The following QSOX1 variants were observed in gnomAD, a reference collection of about 807,000 sequenced individuals.
The protein encoded by QSOX1 is sulfhydryl oxidase 1.
A neutral mutation model predicts 76.1 loss-of-function variants in QSOX1; 40 were observed. That is an observed-to-expected ratio of 0.53 (90% CI 0.41 to 0.68). The LOEUF (loss-of-function observed/expected upper bound fraction) is 0.68. QSOX1 is among the 30% of genes least tolerant of loss of function. The pLI is 0.00. For synonymous variants in QSOX1, 392 were observed against 413.1 expected (o/e 0.95, Z 0.62); for missense variants, 931 against 974.3 (o/e 0.96, Z 0.59).
chr1:180,167,002 G>A, intron 2 of QSOX1, among the ~76,000 whole-genome samples: 1 of 152,352 alleles, frequency 6.6e-6, no homozygotes, highest in African/African-American at 2.4e-5. Context: ...GAATGTCAGT[G>A]CCTCAGGCAG....
chr1:180,162,702 C>T (rs1471923043), intron 1 of QSOX1, among the ~76,000 whole-genome samples: 2 of 152,156 alleles, frequency 1.3e-5, no homozygotes, highest in Admixed American at 6.5e-5. Flanking sequence ...CGCACCACTG[C>T]ACTCCAGCCT....
chr1:180,174,170 G>C (rs1393235203), intron 2 of QSOX1, among the ~76,000 whole-genome samples: 1 of 152,246 alleles, frequency 6.6e-6, no homozygotes, highest in East Asian at 1.9e-4. Flanking sequence ...CTCTCCCCTA[G>C]GCAGTTCAGT....
At position 180,197,781 on chromosome 1, in the gene QSOX1, T is replaced by G; in HGVS notation, c.*744T>G. The G allele has an allele frequency of 3.9e-6, 1 of 259,372 alleles. No homozygotes were observed. 16.1% of individuals were successfully genotyped at this position (259,372 alleles called of 1,614,324 possible). A position where few individuals can be genotyped will look rare whatever the true frequency, so the allele number is the denominator to read the frequency against. On this transcript the variant is annotated 3_prime_UTR_variant, in exon 12 of 12. Transcript: ENST00000367602. ...TGCAGGAGAAGATGGCTGCTTTCAC[T>G]TCCCCCCATTGAGCTCTGCTCCCTC...
At chr1:180,189,777 G>T in intron 9 of QSOX1, 103 bp downstream of exon 9, 2 of 1,367,490 alleles carry the variant, frequency 1.5e-6, no homozygotes, top group Non-Finnish European at 9.9e-7. Flanking sequence ...TTTGCACCAG[G>T]GAGTCAGTGA....
chr1:180,165,145 T>A (rs1662585479), intron 1 of QSOX1, among the ~76,000 whole-genome samples: 1 of 152,178 alleles, frequency 6.6e-6, no homozygotes, highest in South Asian at 2.1e-4. Context: ...CCAGACCATA[T>A]CAGGTGGGGT....
At position 180,190,676 on chromosome 1, in the gene QSOX1, C is replaced by T; in HGVS notation, c.1288+96C>T. The T allele has an allele frequency of 4.3e-6, 6 of 1,401,560 alleles. No individual in the cohort carries two copies. In the South Asian group the frequency reaches 8.3e-5, roughly 19 times the overall value. 86.8% of individuals were successfully genotyped at this position (1,401,560 alleles called of 1,614,324 possible). A position where few individuals can be genotyped will look rare whatever the true frequency, so the allele number is the denominator to read the frequency against. ...GGCAGGGAAGCTCCCTTGAATTGCCCCACTGGCTCCCAGCTGCCAGAAGAT... is the reference window on the plus strand; with the variant it reads ...GGCAGGGAAGCTCCCTTGAATTGCCTCACTGGCTCCCAGCTGCCAGAAGAT... On this transcript the variant is annotated intron_variant, in intron 10 of 11. Transcript: ENST00000367602.
Position 180,182,272 on chromosome 1 carries a change from C to T in QSOX1, c.705C>T (p.Pro235=), listed in dbSNP as rs1298995810. The T allele has an allele frequency of 9.9e-6, 16 of 1,614,258 alleles. No individual in the cohort carries two copies. The highest frequency in any genetic ancestry group is 6.7e-5 in the African/African-American group (5 of 75,070). ...GAAAGTTTGGTGTCACCGACTTCCC[C>T]TCTTGCTACCTGCTGTTCCGGAATG... ...VVRKFGVTDF[P]SCYLLFRNGS... is the part of the protein sequence containing the mutation. The change falls in exon 6 of 12, where the codon CCC becomes CCT. Residue 235 remains proline, a synonymous_variant. Transcript: ENST00000367602.
In QSOX1 at chr1:180,200,465, G is replaced by A. The variant is rs1663613467; in HGVS notation, c.*3428G>A. 1 of 152,140 alleles carries A rather than the reference G, an allele frequency of 6.6e-6. No individual in the cohort carries two copies. Among genetic ancestry groups the A allele is most frequent in the Non-Finnish European group, 1.5e-5 (1 of 68,046 alleles). The allele number at this position is 152,140 out of a possible 1,614,324, so 9.4% of individuals were successfully genotyped here. A position where few individuals can be genotyped will look rare whatever the true frequency, so the allele number is the denominator to read the frequency against. Reference sequence around the variant, plus strand: ...GTGCCACTGGCCAGAGTTGAACTGAGGTGTTGAGTGGAAAGTGCCTCCCCA... The same window carrying A: ...GTGCCACTGGCCAGAGTTGAACTGAAGTGTTGAGTGGAAAGTGCCTCCCCA... On this transcript the variant is annotated 3_prime_UTR_variant, in exon 12 of 12. Coordinates refer to ENST00000367602, the MANE Select transcript of QSOX1 (RefSeq NM_002826.5).
At chr1:180,178,661 G>A (rs2149236988) in intron 4 of QSOX1, 133 bp from the exon 5 acceptor site, 1 of 743,240 alleles carries the variant, frequency 1.3e-6, no homozygotes, top group South Asian at 1.6e-5. Flanking sequence ...TCCCTTGGAG[G>A]GCCCTGTGTG....
At chr1:180,182,529 A>C (rs956287436) in intron 6 of QSOX1, among the ~76,000 whole-genome samples, 2 of 152,102 alleles carry the variant, frequency 1.3e-5, no homozygotes, top group Non-Finnish European at 2.9e-5. Flanking sequence ...CGCAGCTCAG[A>C]GACCTCAAAG....
rs571586921 is a variant in QSOX1 at position 180,175,927 on chromosome 1, A to G, written c.413-4A>G. 3.8e-6 allele frequency: 6 copies of G among 1,586,604 alleles called. No homozygotes were observed. The highest frequency in any genetic ancestry group is 1.1e-5 in the South Asian group (1 of 86,984). ...ACTCCGCTCACGCCTGTTTTCATTTACAGTGGCTGGTGCTGACGTGCAGAC... is the reference window on the plus strand; with the variant it reads ...ACTCCGCTCACGCCTGTTTTCATTTGCAGTGGCTGGTGCTGACGTGCAGAC... On this transcript the variant is annotated splice_region_variant and splice_polypyrimidine_tract_variant and intron_variant, in intron 3 of 11. Transcript: ENST00000367602.
Position 180,200,508 on chromosome 1 carries a change from A to C in QSOX1, c.*3471A>C, listed in dbSNP as rs1316313521. 6.6e-6 allele frequency: 1 copy of C among 152,196 alleles called. No homozygotes were observed. Among genetic ancestry groups the C allele is most frequent in the Non-Finnish European group, 1.5e-5 (1 of 68,034 alleles). 9.4% of individuals were successfully genotyped at this position (152,196 alleles called of 1,614,324 possible). ...CCTCCCCACCCCCATCTGCCACAGT[A>C]GTATGGATTTCCTTCATGAGATGGG... On this transcript the variant is annotated 3_prime_UTR_variant, in exon 12 of 12. Transcript: ENST00000367602.
chr1:180,186,008 A>G (rs1663160570), intron 7 of QSOX1, 45 bp from the exon 8 acceptor site: 3 of 1,606,262 alleles, frequency 1.9e-6, no homozygotes, highest in Admixed American at 1.7e-5. Flanking sequence ...CCCCTGCACC[A>G]TGGTTAATAC....
chr1:180,202,697 A>C lies in QSOX1; in HGVS notation c.*5660A>C, dbSNP rs2149245826. 1 of 141,006 alleles carries C rather than the reference A, an allele frequency of 7.1e-6. No homozygotes were observed. Among genetic ancestry groups the C allele is most frequent in the Non-Finnish European group, 1.6e-5 (1 of 63,120 alleles). The allele number at this position is 141,006 out of a possible 1,614,324, so 8.7% of individuals were successfully genotyped here. A position where few individuals can be genotyped will look rare whatever the true frequency, so the allele number is the denominator to read the frequency against. On this transcript the variant is annotated 3_prime_UTR_variant, in exon 12 of 12. Coordinates refer to ENST00000367602, the MANE Select transcript of QSOX1 (RefSeq NM_002826.5). The stretch of plus-strand genomic sequence containing the variant: ...ATGCAAAAAAAAAAAAAAAAGGGGA[A>C]ATATAATTGAATACTTCACTGTTTT...
Position 180,197,696 on chromosome 1 carries a change from A to T in QSOX1, c.*659A>T. ...TAGGGTGAGTGGCTTGCTTGGTGGG[A>T]CCTGACGAGTTGGTGGCATGGGAAG... On this transcript the variant is annotated 3_prime_UTR_variant, in exon 12 of 12. Transcript: ENST00000367602. 3.0e-6 allele frequency: 1 copy of T among 337,844 alleles called. No individual in the cohort carries two copies. The highest frequency in any genetic ancestry group is 5.6e-6 in the Non-Finnish European group (1 of 180,112). 20.9% of individuals were successfully genotyped at this position (337,844 alleles called of 1,614,324 possible).
intron 10 of QSOX1, among the ~76,000 whole-genome samples, chr1:180,191,697 T>C (rs963696606): frequency 2.0e-5 from 3 of 152,152 alleles, no homozygotes; most frequent in Non-Finnish European, 4.4e-5. Flanking sequence ...GGGTGCTGTC[T>C]GGAGAGGGGT....
Position 180,163,379 on chromosome 1 carries a change from C to A in QSOX1, c.266-3112C>A, listed in dbSNP as rs573294866. On this transcript the variant is annotated intron_variant, in intron 1 of 11. Coordinates refer to ENST00000367602, the MANE Select transcript of QSOX1 (RefSeq NM_002826.5). Reference sequence around the variant, plus strand: ...CTTCCCTTGCATACAGAATTATGTCCCTTATTATTTTTAGTTTTAGTTGCT... The same window carrying A: ...CTTCCCTTGCATACAGAATTATGTCACTTATTATTTTTAGTTTTAGTTGCT... Among the ~76,000 whole-genome samples the A allele has an allele frequency of 6.6e-5, 10 of 152,138 alleles. No individual in the cohort carries two copies. In the South Asian group the frequency reaches 2.1e-3, roughly 32 times the overall value.
rs1468962043 is a variant in QSOX1 at position 180,197,082 on chromosome 1, A to G, written c.*45A>G. 14 of 1,559,260 alleles carry G rather than the reference A, an allele frequency of 9.0e-6. No homozygotes were observed. The highest frequency in any genetic ancestry group is 1.1e-5 in the Non-Finnish European group (13 of 1,152,540). On this transcript the variant is annotated 3_prime_UTR_variant, in exon 12 of 12. Transcript: ENST00000367602. Reference sequence around the variant, plus strand: ...GGAGAGGGAGCTGCCATCTCTAGGCACCTCAAGCCCCCTGACCCCATTCCC... The same window carrying G: ...GGAGAGGGAGCTGCCATCTCTAGGCGCCTCAAGCCCCCTGACCCCATTCCC...
In QSOX1 at chr1:180,197,489, C is replaced by T. The variant is rs1663530607; in HGVS notation, c.*452C>T. On this transcript the variant is annotated 3_prime_UTR_variant, in exon 12 of 12. Coordinates refer to ENST00000367602, the MANE Select transcript of QSOX1 (RefSeq NM_002826.5). ...CTGCTGGGGCTCCGCCCACCCTGCT[C>T]CCTTCCGGACAATGAAGAAGCCTTT... is the stretch of plus-strand genomic sequence containing the variant. 5 of 1,251,514 alleles carry T rather than the reference C, an allele frequency of 4.0e-6. No homozygotes were observed. The Admixed American group carries it at 9.6e-5, about 24-fold the overall frequency. 77.5% of individuals were successfully genotyped at this position (1,251,514 alleles called of 1,614,324 possible). A position where few individuals can be genotyped will look rare whatever the true frequency, so the allele number is the denominator to read the frequency against.
Sources: gnomAD v4.1 joint callset for allele counts (sites outside exome capture counted in the v4.1 genomes callset) on GRCh38, gnomAD v4.1.1 for gene constraint, MANE v1.5 for transcripts, NCBI Gene and HGNC (gene_info 2026-07-23, HGNC 2026-07-21) for gene names.